Variants in ABI2 observed in about 807,000 individuals in gnomAD.
ABI2 encodes abelson interactor 2.
In ABI2, 25 loss-of-function variants were observed where a neutral mutation model predicts 59.2. The ratio of observed to expected loss-of-function variants is 0.42; its 90% confidence interval spans 0.31 to 0.59. ABI2 has a LOEUF of 0.59. Among genes scored for constraint, ABI2 ranks in the 20% least tolerant of loss-of-function variants. The probability of loss-of-function intolerance (pLI) is 0.14; values close to 1 mark genes in which losing one functional copy is unlikely to be tolerated. For synonymous variants in ABI2, 213 were observed against 235.5 expected (o/e 0.90, Z 0.87); for missense variants, 545 against 681.8 (o/e 0.80, Z 2.23).
chr2:203,385,251 C>T (rs570613183), intron 4 of ABI2, among the ~76,000 whole-genome samples: 2 of 150,296 alleles, frequency 1.3e-5, no homozygotes, highest in East Asian at 3.9e-4. Context: ...CCTGCCTCAA[C>T]CTCCTGAGTA....
At chr2:203,394,581 A>G (rs1449939656) in intron 5 of ABI2, 119 bp from the exon 6 acceptor site, 14 of 964,668 alleles carry the variant, frequency 1.5e-5, no homozygotes, top group Non-Finnish European at 2.2e-5. Context: ...TAGCTGGGTT[A>G]TGTTAAAACA....
chr2:203,334,015 A>G (rs1287575136), intron 1 of ABI2, among the ~76,000 whole-genome samples: 1 of 148,128 alleles, frequency 6.8e-6, no homozygotes, highest in Non-Finnish European at 1.5e-5. Flanking sequence ...ATCTTCGCTC[A>G]CTACAACCTC....
At chr2:203,357,515 C>G (rs1417366083) in intron 1 of ABI2, among the ~76,000 whole-genome samples, 3 of 152,186 alleles carry the variant, frequency 2.0e-5, no homozygotes, top group Non-Finnish European at 4.4e-5. Flanking sequence ...TTCTAAATAA[C>G]CTCCTTTTTC....
chr2:203,357,736 A>G, intron 1 of ABI2, among the ~76,000 whole-genome samples: 1 of 147,580 alleles, frequency 6.8e-6, no homozygotes, highest in African/African-American at 2.5e-5. Context: ...AAGTGACAGA[A>G]ACTGAATTTG....
At chr2:203,381,764 TA>T (rs1424923440) in intron 3 of ABI2, among the ~76,000 whole-genome samples, 1 of 152,184 alleles carries the variant, frequency 6.6e-6, no homozygotes, top group African/African-American at 2.4e-5. Context: ...ACTTAGAATA[TA>T]AAAGATGACA....
At chr2:203,371,725 C>T (rs1323979592) in intron 2 of ABI2, among the ~76,000 whole-genome samples, 1 of 152,016 alleles carries the variant, frequency 6.6e-6, no homozygotes, top group Non-Finnish European at 1.5e-5. Flanking sequence ...TGTAATTTTA[C>T]TGAATACTTG....
At position 203,382,292 on chromosome 2, in the gene ABI2, G is replaced by A. The variant is rs2096186530; in HGVS notation, c.480+86G>A. On this transcript the variant is annotated intron_variant, in intron 4 of 11. Coordinates refer to ENST00000261018, the MANE Select transcript of ABI2 (RefSeq NM_001375670.1). ...GAGTTAAAGAGATTGTTAACTCTTGGCCTTTTAAAACCCAATAAATAATTC... is the reference window on the plus strand; with the variant it reads ...GAGTTAAAGAGATTGTTAACTCTTGACCTTTTAAAACCCAATAAATAATTC... The A allele has an allele frequency of 7.5e-6, 9 of 1,195,818 alleles. No individual in the cohort carries two copies. In the South Asian group the frequency reaches 1.2e-4, roughly 16 times the overall value. The allele number at this position is 1,195,818 out of a possible 1,614,324, so 74.1% of individuals were successfully genotyped here. A position where few individuals can be genotyped will look rare whatever the true frequency, so the allele number is the denominator to read the frequency against.
intron 2 of ABI2, among the ~76,000 whole-genome samples, chr2:203,370,651 A>C (rs747295483): frequency 6.6e-6 from 1 of 152,098 alleles, no homozygotes; most frequent in Non-Finnish European, 1.5e-5. Context: ...TATTATTTAA[A>C]ATATTGTGTG....
rs2098454623 is a variant in ABI2 at position 203,428,036 on chromosome 2, T to G, written c.*684T>G. 6.6e-6 allele frequency: 1 copy of G among 152,230 alleles called. No individual in the cohort carries two copies. Among genetic ancestry groups the G allele is most frequent in the Non-Finnish European group, 1.5e-5 (1 of 68,058 alleles). The allele number at this position is 152,230 out of a possible 1,614,324, so 9.4% of individuals were successfully genotyped here. On this transcript the variant is annotated 3_prime_UTR_variant, in exon 12 of 12. Transcript: ENST00000261018. The stretch of plus-strand genomic sequence containing the variant: ...CCAACACTCTGAGGGTGGTGAACGA[T>G]TGCCACCCGTTTGATTTTAATGTGC...
chr2:203,364,718 CA>C (rs2094141633), intron 1 of ABI2, among the ~76,000 whole-genome samples: 1 of 151,154 alleles, frequency 6.6e-6, no homozygotes, highest in Non-Finnish European at 1.5e-5. Context: ...TATTAATGCA[CA>C]TACATATTTT....
At chr2:203,356,817 A>G (rs773281754) in intron 1 of ABI2, among the ~76,000 whole-genome samples, 1 of 149,416 alleles carries the variant, frequency 6.7e-6, no homozygotes, top group African/African-American at 2.5e-5. Flanking sequence ...TTTAAAATGC[A>G]GTTATTTCTG....
chr2:203,360,173 A>C (rs1161235563), intron 1 of ABI2, among the ~76,000 whole-genome samples: 1 of 115,652 alleles, frequency 8.6e-6, no homozygotes, highest in African/African-American at 3.3e-5. Flanking sequence ...TGACAGAACG[A>C]GACTCCATCT....
chr2:203,328,647 A>C lies in ABI2; in HGVS notation c.117+16A>C. The C allele has an allele frequency of 6.6e-7, 1 of 1,520,456 alleles. No individual in the cohort carries two copies. The highest frequency in any genetic ancestry group is 8.8e-7 in the Non-Finnish European group (1 of 1,131,478). The allele number at this position is 1,520,456 out of a possible 1,614,324, so 94.2% of individuals were successfully genotyped here. A position where few individuals can be genotyped will look rare whatever the true frequency, so the allele number is the denominator to read the frequency against. On this transcript the variant is annotated intron_variant, in intron 1 of 11. Coordinates refer to ENST00000261018, the MANE Select transcript of ABI2 (RefSeq NM_001375670.1). The stretch of plus-strand genomic sequence containing the variant: ...CTACATACAGGTGCGAAGCATCCCC[A>C]GCTGGGCCGCGTCGGGGACCCCCCC...
At chr2:203,375,615 A>G (rs1242195040) in intron 2 of ABI2, among the ~76,000 whole-genome samples, 1 of 152,224 alleles carries the variant, frequency 6.6e-6, no homozygotes, top group Non-Finnish European at 1.5e-5. Flanking sequence ...TATTTTATTT[A>G]AGAATATGTT....
chr2:203,340,164 A>G (rs964407014), intron 1 of ABI2, among the ~76,000 whole-genome samples: 1 of 152,186 alleles, frequency 6.6e-6, no homozygotes, highest in African/African-American at 2.4e-5. Flanking sequence ...TGAGGAATCT[A>G]AAAAGATGAA....
intron 11 of ABI2, among the ~76,000 whole-genome samples, chr2:203,419,558 T>G (rs2098102603): frequency 6.6e-6 from 1 of 151,246 alleles, no homozygotes; most frequent in Non-Finnish European, 1.5e-5. Flanking sequence ...TTTTTTTTTT[T>G]GGTAGAGACG....
At chr2:203,425,961 CAGTGAACCGAGAT>C (rs1252935483) in intron 11 of ABI2, among the ~76,000 whole-genome samples, 1 of 147,226 alleles carries the variant, frequency 6.8e-6, no homozygotes, top group Non-Finnish European at 1.5e-5. Context: ...ATGGAGGTTG[CAGTGAACCGAGAT>C]AGTGCCACTG....
At chr2:203,420,684 C>T (rs558937746) in intron 11 of ABI2, among the ~76,000 whole-genome samples, 2 of 152,230 alleles carry the variant, frequency 1.3e-5, no homozygotes, top group African/African-American at 2.4e-5. Flanking sequence ...TGAGCCACCA[C>T]GCCCAGCCGA....
chr2:203,375,869 A>G (rs1218666436), intron 2 of ABI2: 1 of 407,858 alleles, frequency 2.5e-6, no homozygotes, highest in Non-Finnish European at 4.3e-6. Context: ...TCTCTGTCAA[A>G]TTATTCAAAC....
Sources: gnomAD v4.1 joint callset for allele counts (sites outside exome capture counted in the v4.1 genomes callset) on GRCh38, gnomAD v4.1.1 for gene constraint, MANE v1.5 for transcripts, NCBI Gene and HGNC (gene_info 2026-07-23, HGNC 2026-07-21) for gene names.